HR: variants seen among roughly 807,000 people sequenced by gnomAD.
HR encodes HR lysine demethylase and nuclear receptor corepressor, also known as lysine-specific demethylase hairless.
Under a neutral mutation model 128.6 loss-of-function variants are expected in HR, and 83 were observed. The observed-to-expected ratio is 0.65, with a 90% confidence interval of 0.54 to 0.77. The LOEUF (loss-of-function observed/expected upper bound fraction) is 0.77, where lower values mean the gene tolerates loss of function less well. Among genes scored for constraint, HR ranks in the 30% least tolerant of loss-of-function variants. HR has a pLI of 0.00. For synonymous variants in HR, 681 were observed against 658.2 expected, an observed-to-expected ratio of 1.03 and a Z score of -0.53; for missense variants, 1,490 against 1,574.6, an observed-to-expected ratio of 0.95 and a Z score of 0.91.
chr8:22,116,854 C>A lies in HR; in HGVS notation c.3378+21G>T. 1 of 1,563,050 alleles carries A rather than the reference C, an allele frequency of 6.4e-7. No individual in the cohort carries two copies. Reference sequence around the variant, plus strand: ...CTGCCATCCTGATCTCCCCGCAGAGCCCCTGCCCGCTGGGAAGCACCTGGT... The same window carrying A: ...CTGCCATCCTGATCTCCCCGCAGAGACCCTGCCCGCTGGGAAGCACCTGGT... On this transcript the variant is annotated intron_variant, in intron 17 of 18. Transcript: ENST00000381418. This position sits in a 1 kb window ranked among gnomAD's most constrained non-coding sequence, Gnocchi z 4.2.
intron 5 of HR, among the ~76,000 whole-genome samples, chr8:22,124,615 G>A (rs1015431391): frequency 6.6e-6 from 1 of 152,208 alleles, no homozygotes; most frequent in Non-Finnish European, 1.5e-5. Context: ...TGCTGGAGAT[G>A]GAAAATGCCA....
At chr8:22,115,857 G>T in intron 18 of HR, 95 bp from the exon 19 acceptor site, 1 of 1,241,486 alleles carries the variant, frequency 8.1e-7, no homozygotes, top group Non-Finnish European at 1.2e-6. Flanking sequence ...CTGGCCAGAT[G>T]CGGTGGCTCA....
At position 22,116,407 on chromosome 8, in the gene HR, CTG is replaced by C. The variant is rs1563615287; in HGVS notation, c.3398_3399del (p.Thr1133SerfsTer11). 6.2e-7 allele frequency: 1 copy of C among 1,613,796 alleles called. No individual in the cohort carries two copies. Among genetic ancestry groups the C allele is most frequent in the Non-Finnish European group, 8.5e-7 (1 of 1,179,924 alleles). On this transcript the variant is annotated frameshift_variant, in exon 18 of 19. Coordinates refer to ENST00000381418, the MANE Select transcript of HR (RefSeq NM_005144.5). LOFTEE classifies it high-confidence loss of function. This position sits in a 1 kb window ranked among gnomAD's most constrained non-coding sequence, Gnocchi z 4.2. ...APHQVQGLVS[T>X]VSVTQHFLSP... ...GAGAGGAAGTGCTGAGTGACGCTGA[CTG>C]TGCTCACCAGGCCCTGCACCTGTGT...
rs1586377303 is a variant in HR at position 22,122,408 on chromosome 8, A to C, written c.2121+85T>G. The C allele has an allele frequency of 7.5e-6, 7 of 933,018 alleles. No homozygotes were observed. In the South Asian group the frequency reaches 8.7e-5, roughly 12 times the overall value. 57.8% of individuals were successfully genotyped at this position (933,018 alleles called of 1,614,324 possible). Reference sequence around the variant, plus strand: ...CACAGGCTTCTCTCTCTTCATCCCCACCAAGAAAAGGGGGGGCCAAACCCC... The same window carrying C: ...CACAGGCTTCTCTCTCTTCATCCCCCCCAAGAAAAGGGGGGGCCAAACCCC... On this transcript the variant is annotated intron_variant, in intron 8 of 18. Coordinates refer to ENST00000381418, the MANE Select transcript of HR (RefSeq NM_005144.5).
rs1459665613 is a variant in HR, at chr8:22,127,314, GT to G, written c.1127del (p.His376ProfsTer4). The G allele has an allele frequency of 1.2e-6, 2 of 1,613,398 alleles. No individual in the cohort carries two copies. Among genetic ancestry groups the G allele is most frequent in the Admixed American group, 1.7e-5 (1 of 60,026 alleles). ...TGAGCCATGTCTTCTTCAGCTTGGT[GT>G]GGTGGCTGGGGGGACAGGCCCTGGG... is the stretch of plus-strand genomic sequence containing the variant. The part of the protein sequence containing the change: ...SGPRACPPSH[H>X]TKLKKTWLTR... On this transcript the variant is annotated frameshift_variant, in exon 3 of 19. Coordinates refer to ENST00000381418, the MANE Select transcript of HR (RefSeq NM_005144.5). LOFTEE classifies it high-confidence loss of function.
chr8:22,120,800 T>A lies in HR; in HGVS notation c.2526A>T (p.Pro842=), dbSNP rs371431900. 1 of 1,544,552 alleles carries A rather than the reference T, an allele frequency of 6.5e-7. No homozygotes were observed. Among genetic ancestry groups the A allele is most frequent in the South Asian group, 1.2e-5 (1 of 83,900 alleles). ...LSPVRPRLPP[P]GALLWLQEPQ... ...GCTCCTGCAGCCACAGCAAAGCCCC[T>A]GGGGGAGGCAGCCGGGGCCGCACTG... The change falls in exon 11 of 19, where the codon CCA becomes CCT. Residue 842 remains proline, a synonymous_variant. Coordinates refer to ENST00000381418, the MANE Select transcript of HR (RefSeq NM_005144.5).
chr8:22,124,782 G>A (rs1180412748), intron 5 of HR, among the ~76,000 whole-genome samples: 1 of 152,178 alleles, frequency 6.6e-6, no homozygotes, highest in Non-Finnish European at 1.5e-5. Context: ...CCAGGGAGCC[G>A]GGAAGGGAAG....
chr8:22,129,106 C>T lies in HR; in HGVS notation c.65G>A (p.Gly22Asp). The change falls in exon 2 of 19, where the codon GGC becomes GAC. Residue 22 changes from glycine (G) to aspartate (D), a missense_variant. Transcript: ENST00000381418. ...PTWEKTAPEN[G>D]IVRQEPGSPP... The stretch of plus-strand genomic sequence containing the variant: ...GCTGCCGGGCTCCTGTCTCACGATG[C>T]CGTTCTCTGGGGCCGTCTTCTCCCA... 1.3e-6 allele frequency: 2 copies of T among 1,570,334 alleles called. No individual in the cohort carries two copies. Among genetic ancestry groups the T allele is most frequent in the Non-Finnish European group, 1.7e-6 (2 of 1,160,590 alleles).
In HR at chr8:22,121,165, G is replaced by T; in HGVS notation, c.2267C>A (p.Pro756His). The T allele has an allele frequency of 6.2e-7, 1 of 1,613,988 alleles. No individual in the cohort carries two copies. The highest frequency in any genetic ancestry group is 8.5e-7 in the Non-Finnish European group (1 of 1,180,036). The change falls in exon 10 of 19, where the codon CCT becomes CAT. Residue 756 changes from proline to histidine, a missense_variant. This residue lies in a region of HR where 1,060 missense variants were observed against 1,060.9 expected (regional missense o/e 1.00). Transcript: ENST00000381418. ...AGAAGCCAGCAGTTCGCAGAGAGAA[G>T]GACAAGGCAGGGGCCCTCGGCCAGC... ...DRAGRGPLPC[P>H]SLCELLASTA...
intron 2 of HR, 128 bp downstream of exon 2, chr8:22,128,431 C>G: frequency 7.4e-7 from 1 of 1,348,402 alleles, no homozygotes; most frequent in South Asian, 1.3e-5. Context: ...TGGGACAGCT[C>G]CAAGCTGATA....
chr8:22,123,953 C>CAG (rs2131760812), intron 5 of HR, 140 bp from the exon 6 acceptor site: 1 of 987,892 alleles, frequency 1.0e-6, no homozygotes, highest in African/African-American at 1.6e-5. Context: ...GGAAGGGAGA[C>CAG]AGGCCCCTCG....
Position 22,121,090 on chromosome 8 carries a change from G to A in HR, c.2342C>T (p.Ala781Val). ...LGHERIHMAFAPVTPALPSDD... is the reference protein window; with the variant it reads ...LGHERIHMAFVPVTPALPSDD... ...ACTGGGCAGGGCCGGAGTGACGGGG[G>A]CGAAGGCCATGTGTATTCGCTCATG... Residue 781 changes from alanine (A) to valine (V), a missense_variant, in exon 10 of 19, where the codon GCC (alanine) becomes GTC (valine). Ala to Val is a moderately conservative substitution (Grantham distance 64, BLOSUM62 0). Around this residue, in one of 3 missense-constraint regions of HR, gnomAD observed 1,060 missense variants for 1,060.9 expected, o/e 1.00. Transcript: ENST00000381418. The A allele has an allele frequency of 1.2e-6, 2 of 1,613,772 alleles. No homozygotes were observed. The highest frequency in any genetic ancestry group is 1.7e-6 in the Non-Finnish European group (2 of 1,180,042).
Position 22,115,664 on chromosome 8 carries a change from C to T in HR, c.*36G>A. 1 of 1,598,858 alleles carries T rather than the reference C, an allele frequency of 6.3e-7. No homozygotes were observed. On this transcript the variant is annotated 3_prime_UTR_variant, in exon 19 of 19. Transcript: ENST00000381418. ...TGCCTGGGCTGAGCACCTGGTCTAC[C>T]TGTCCCCACCCCGATCCCAGACACC...
chr8:22,127,427 C>A lies in HR; in HGVS notation c.1015G>T (p.Gly339Cys), dbSNP rs112994473. 34 of 1,612,794 alleles carry A rather than the reference C, an allele frequency of 2.1e-5. No homozygotes were observed. In the African/African-American group the frequency reaches 3.5e-4, roughly 16 times the overall value. ...SYPPTKGGGL[G>C]PCGKCQEGLE... The stretch of plus-strand genomic sequence containing the variant: ...CCCTCCTGGCACTTCCCACAAGGGC[C>A]AAGACCCCCACCTTTAGTGGGTGGG... The change falls in exon 3 of 19, where the codon GGC becomes TGC. Residue 339 changes from glycine (G) to cysteine (C), a missense_variant. Gly to Cys is a radical substitution (Grantham distance 159). This residue lies in a region of HR where 1,060 missense variants were observed against 1,060.9 expected (regional missense o/e 1.00). Transcript: ENST00000381418.
rs986621469 is a variant in HR, at chr8:22,116,757, C to A, written c.3378+118G>T. ...GTTATCTCTTCCCCACAGCAGCGTG[C>A]GGCTCCCTGCCCTGCCCGGCTCTTG... On this transcript the variant is annotated intron_variant, in intron 17 of 18. Transcript: ENST00000381418. The surrounding 1 kb of genome is among the most constrained non-coding windows in gnomAD (Gnocchi z 4.2). 2.2e-6 allele frequency: 3 copies of A among 1,368,340 alleles called. No individual in the cohort carries two copies. The highest frequency in any genetic ancestry group is 3.0e-6 in the Non-Finnish European group (3 of 995,298). 84.8% of individuals were successfully genotyped at this position (1,368,340 alleles called of 1,614,324 possible).
At chr8:22,126,091 G>A (rs1250352348) in intron 3 of HR, among the ~76,000 whole-genome samples, 4 of 152,226 alleles carry the variant, frequency 2.6e-5, no homozygotes, top group African/African-American at 9.6e-5. Context: ...CACTGGCTGC[G>A]TGACATGAGG....
In HR at chr8:22,120,397, G is replaced by A; in HGVS notation, c.2721C>T (p.Pro907=). 1 of 1,613,948 alleles carries A rather than the reference G, an allele frequency of 6.2e-7. No individual in the cohort carries two copies. Among genetic ancestry groups the A allele is most frequent in the Non-Finnish European group, 8.5e-7 (1 of 1,180,018 alleles). The stretch of plus-strand genomic sequence containing the variant: ...TTGTGCTGCCCAGGCTGCTGGGCTG[G>A]GGAGGTCCGAGGGGGCTCAGCGCCT... ...QVQALSPLGP[P]QPSSLGSTTF... is the part of the protein sequence containing the mutation. Residue 907 remains proline, a synonymous_variant, in exon 12 of 19, where the codon CCC becomes CCT. Coordinates refer to ENST00000381418, the MANE Select transcript of HR (RefSeq NM_005144.5).
intron 6 of HR, 32 bp downstream of exon 6, chr8:22,123,617 T>TTGGGGGGCCC: frequency 1.8e-4 from 54 of 292,082 alleles, no homozygotes; most frequent in Non-Finnish European, 2.9e-4. Context: ...GAGGGCTCCA[T>TTGGGGGGCCC]CCCGCCCTCC....
chr8:22,118,597 T>C (rs1826650217), intron 16 of HR: 1 of 330,492 alleles, frequency 3.0e-6, no homozygotes, highest in South Asian at 3.6e-5. Context: ...GGTGTTCTCA[T>C]CTGCCAATGG....
Sources: gnomAD v4.1 joint callset for allele counts (sites outside exome capture counted in the v4.1 genomes callset) on GRCh38, gnomAD v4.1.1 for gene constraint, gnomAD v4.1.1 regional missense constraint, Gnocchi (gnomAD v3.1) non-coding constraint, MANE v1.5 for transcripts, NCBI Gene and HGNC (gene_info 2026-07-23, HGNC 2026-07-21) for gene names.